TMCC3: variants seen among roughly 807,000 people sequenced by gnomAD.
The protein encoded by TMCC3 is transmembrane and coiled-coil domain family 3.
TMCC3 carries 28 observed loss-of-function variants against 40.2 expected under a neutral mutation model. The ratio of observed to expected loss-of-function variants is 0.70; its 90% CI spans 0.52 to 0.95. The LOEUF is 0.95. Ranked by LOEUF, TMCC3 falls within the 40% of genes least tolerant of loss-of-function variation. TMCC3 has a pLI of 0.00. For missense variants in TMCC3, 554 were observed against 615.2 expected (o/e 0.90, Z 1.05); for synonymous variants, 255 against 248.5 (o/e 1.03, Z -0.25).
intron 2 of TMCC3, among the ~76,000 whole-genome samples, chr12:94,578,988 T>A (rs1307238993): frequency 6.6e-6 from 1 of 152,200 alleles, no homozygotes; most frequent in African/African-American, 2.4e-5. Flanking sequence ...GCTTTTAGTA[T>A]CACCTTCTAC....
At chr12:94,635,660 G>GTT (rs63480462) in intron 1 of TMCC3, among the ~76,000 whole-genome samples, 7,469 of 89,330 alleles carry the variant, frequency 0.084, 437 homozygotes, top group Non-Finnish European at 0.11. Flanking sequence ...GTGTATGTGG[G>GTT]TTTTTTTTTT....
chr12:94,594,806 T>C (rs763725919), intron 1 of TMCC3, among the ~76,000 whole-genome samples: 16 of 152,184 alleles, frequency 1.1e-4, no homozygotes, highest in Non-Finnish European at 2.2e-4. Context: ...CACTTACCCC[T>C]AAAACACACA....
chr12:94,593,981 T>C (rs1045035090), intron 1 of TMCC3, among the ~76,000 whole-genome samples: 3 of 151,896 alleles, frequency 2.0e-5, no homozygotes, highest in Admixed American at 6.6e-5. Context: ...TGAGCACCAA[T>C]TGCAAGGCAA....
intron 1 of TMCC3, among the ~76,000 whole-genome samples, chr12:94,598,401 T>C (rs967663004): frequency 6.6e-6 from 1 of 152,132 alleles, no homozygotes; most frequent in Non-Finnish European, 1.5e-5. Context: ...GTGAAAAATA[T>C]GTATGATAGA....
At chr12:94,608,033 A>T (rs1320675663) in intron 1 of TMCC3, among the ~76,000 whole-genome samples, 1 of 152,226 alleles carries the variant, frequency 6.6e-6, no homozygotes, top group Non-Finnish European at 1.5e-5. Flanking sequence ...TCAGAGAAAC[A>T]CTTTGCTTGA....
At chr12:94,600,887 T>C (rs1003703254) in intron 1 of TMCC3, among the ~76,000 whole-genome samples, 2 of 152,168 alleles carry the variant, frequency 1.3e-5, no homozygotes, top group African/African-American at 4.8e-5. Flanking sequence ...CATACAACAC[T>C]CAGCACAGAA....
At chr12:94,628,243 T>C (rs1427625684) in intron 1 of TMCC3, among the ~76,000 whole-genome samples, 2 of 152,176 alleles carry the variant, frequency 1.3e-5, no homozygotes, top group Non-Finnish European at 2.9e-5. Flanking sequence ...GGTGTGGTCC[T>C]GGGTGAAGGG....
In TMCC3 at chr12:94,611,085, C is replaced by T. The variant is rs368200291; in HGVS notation, c.79-28547G>A. On this transcript the variant is annotated intron_variant, in intron 1 of 3. Coordinates refer to ENST00000261226, the MANE Select transcript of TMCC3 (RefSeq NM_020698.4). Reference sequence around the variant, plus strand: ...ATACTTCCTTGTCTCCTCCAGTGACCTATGATTTTACTAACAGTAGCAAAA... The same window carrying T: ...ATACTTCCTTGTCTCCTCCAGTGACTTATGATTTTACTAACAGTAGCAAAA... 2.0e-5 allele frequency among the ~76,000 whole-genome samples: 3 copies of T among 152,224 alleles called. No individual in the cohort carries two copies. The East Asian group carries it at 5.8e-4, about 29-fold the overall frequency.
intron 2 of TMCC3, among the ~76,000 whole-genome samples, chr12:94,579,301 G>A (rs2138822459): frequency 6.6e-6 from 1 of 152,310 alleles, no homozygotes; most frequent in East Asian, 1.9e-4. Context: ...GGGGTCAGGA[G>A]TTCGAGACCA....
At chr12:94,574,011 G>C (rs929034990) in intron 3 of TMCC3, among the ~76,000 whole-genome samples, 22 of 152,194 alleles carry the variant, frequency 1.4e-4, no homozygotes, top group African/African-American at 5.3e-4. Flanking sequence ...GTCCTCTCCA[G>C]CACAGAGCCA....
At chr12:94,579,179 C>T (rs187991268) in intron 2 of TMCC3, among the ~76,000 whole-genome samples, 1 of 152,324 alleles carries the variant, frequency 6.6e-6, no homozygotes, top group East Asian at 1.9e-4. Context: ...CATTCCTGTG[C>T]CCTGCCCCTC....
At chr12:94,610,181 C>A (rs1399549207) in intron 1 of TMCC3, 3 of 152,154 alleles carry the variant, frequency 2.0e-5, no homozygotes, top group Non-Finnish European at 4.4e-5. Flanking sequence ...CATTAGAAAG[C>A]CTTGCTAATC....
At chr12:94,650,247 G>T in intron 1 of TMCC3, 106 bp downstream of exon 1, 1 of 656,322 alleles carries the variant, frequency 1.5e-6, no homozygotes. Flanking sequence ...AGCGGAGGGC[G>T]GCGGCGAAAC....
chr12:94,620,666 G>A (rs1433968529), intron 1 of TMCC3, among the ~76,000 whole-genome samples: 1 of 151,864 alleles, frequency 6.6e-6, no homozygotes, highest in Non-Finnish European at 1.5e-5. Flanking sequence ...ATCATTTAGA[G>A]CTACTAAACA....
intron 1 of TMCC3, chr12:94,644,517 G>T: frequency 2.6e-6 from 2 of 767,286 alleles, no homozygotes; most frequent in Non-Finnish European, 3.2e-6. Context: ...AGCTGGTGGT[G>T]GCCGGCAGTT....
Position 94,578,453 on chromosome 12 carries a change from G to C in TMCC3, c.1072C>G (p.Leu358Val). The C allele has an allele frequency of 1.2e-6, 2 of 1,614,194 alleles. No individual in the cohort carries two copies. The highest frequency in any genetic ancestry group is 2.2e-5 in the South Asian group (2 of 91,086). The change falls in exon 3 of 4, where the codon CTG (leucine) becomes GTG (valine). Residue 358 changes from leucine (L) to valine (V), a missense_variant. By Grantham distance (32) the Leu-to-Val change is conservative. Coordinates refer to ENST00000261226, the MANE Select transcript of TMCC3 (RefSeq NM_020698.4). Reference sequence around the variant, plus strand: ...GCCACCTTCTCCTCAATGCTGGCCAGCTCCTGCTTCAGGTTGGCTGTCTCA... The same window carrying C: ...GCCACCTTCTCCTCAATGCTGGCCACCTCCTGCTTCAGGTTGGCTGTCTCA... Reference protein sequence around the residue: ...QHETANLKQELASIEEKVAYQ... With the variant: ...QHETANLKQEVASIEEKVAYQ...
chr12:94,643,537 A>G (rs769894438), intron 1 of TMCC3, among the ~76,000 whole-genome samples: 8 of 152,244 alleles, frequency 5.3e-5, no homozygotes. Context: ...ATCTTAAATC[A>G]TGAGCTTATT....
At chr12:94,625,352 C>A (rs1230781084) in intron 1 of TMCC3, among the ~76,000 whole-genome samples, 1 of 151,772 alleles carries the variant, frequency 6.6e-6, no homozygotes, top group Non-Finnish European at 1.5e-5. Context: ...CTTTGGGAGG[C>A]TGAGGTAGGC....
In TMCC3 at chr12:94,576,234, G is replaced by A. The variant is rs145226606; in HGVS notation, c.1131+2160C>T. Among the ~76,000 whole-genome samples the A allele has an allele frequency of 1.9e-3, 289 of 152,312 alleles. 2 individuals carry two copies. The highest frequency in any genetic ancestry group is 6.8e-3 in the African/African-American group (282 of 41,564). On this transcript the variant is annotated intron_variant, in intron 3 of 3. Transcript: ENST00000261226. ...AATTTCCCATCAGCTCTGATGTGTTGGTTCCCAGAACTGTCCCAAGTAGGC... is the reference window on the plus strand; with the variant it reads ...AATTTCCCATCAGCTCTGATGTGTTAGTTCCCAGAACTGTCCCAAGTAGGC...
Sources: gnomAD v4.1 joint callset for allele counts (sites outside exome capture counted in the v4.1 genomes callset) on GRCh38, gnomAD v4.1.1 for gene constraint, MANE v1.5 for transcripts, NCBI Gene and HGNC (gene_info 2026-07-23, HGNC 2026-07-21) for gene names.